The following OSTN variants were observed in gnomAD, a reference collection of about 807,000 sequenced individuals.
The protein encoded by OSTN is osteocrin.
In OSTN, 9 loss-of-function variants were observed where a neutral mutation model predicts 12.0. That is an observed-to-expected ratio of 0.75 (90% CI 0.45 to 1.30). The LOEUF (loss-of-function observed/expected upper bound fraction) is 1.30, where lower values mean the gene tolerates loss of function less well. Among genes scored for constraint, OSTN ranks in the 50% most tolerant of loss-of-function variants. The pLI, the probability that OSTN is intolerant of heterozygous loss-of-function variation, is 0.00. For missense variants in OSTN, 148 were observed against 152.3 expected, an observed-to-expected ratio of 0.97 and a Z score of 0.15; for synonymous variants, 59 against 56.9, an observed-to-expected ratio of 1.04 and a Z score of -0.16.
intron 4 of OSTN, among the ~76,000 whole-genome samples, chr3:191,255,700 A>C (rs1715654637): frequency 6.6e-6 from 1 of 152,188 alleles, no homozygotes; most frequent in Admixed American, 6.5e-5. Flanking sequence ...TGTAAGATAT[A>C]AATAGCCCTA....
chr3:191,216,497 T>C (rs1278523717), intron 2 of OSTN, among the ~76,000 whole-genome samples: 1 of 152,228 alleles, frequency 6.6e-6, no homozygotes, highest in Admixed American at 6.5e-5. Flanking sequence ...TTTTCCAAAC[T>C]TTTTGCTCTG....
chr3:191,230,662 T>C (rs1400616295), intron 3 of OSTN, among the ~76,000 whole-genome samples: 1 of 142,530 alleles, frequency 7.0e-6, no homozygotes, highest in Non-Finnish European at 1.5e-5. Flanking sequence ...GGACAAGAAA[T>C]GAAATTGGGA....
intron 1 of OSTN, among the ~76,000 whole-genome samples, chr3:191,201,899 A>T (rs1352818706): frequency 6.6e-6 from 1 of 152,208 alleles, no homozygotes; most frequent in Admixed American, 6.5e-5. Context: ...TGAGTAACTA[A>T]TTTATGCCTG....
intron 4 of OSTN, among the ~76,000 whole-genome samples, chr3:191,251,215 G>C (rs1715555197): frequency 1.3e-5 from 2 of 152,212 alleles, no homozygotes; most frequent in South Asian, 4.1e-4. Flanking sequence ...TAGAGTATAA[G>C]TGGTACACAT....
At chr3:191,214,764 G>T (rs767349409) in intron 2 of OSTN, among the ~76,000 whole-genome samples, 1 of 152,174 alleles carries the variant, frequency 6.6e-6, no homozygotes, top group Admixed American at 6.5e-5. Flanking sequence ...TGTAATCCCA[G>T]CACATTGGGA....
rs1715864305 is a variant in OSTN at position 191,263,900 on chromosome 3, T to C, written c.*1047T>C. On this transcript the variant is annotated 3_prime_UTR_variant, in exon 5 of 5. Coordinates refer to ENST00000682035, the MANE Select transcript of OSTN (RefSeq NM_198184.2). ...CTCAGTAATAACTATGATGTTACTG[T>C]AGCTTGGACACATAGGTCCATTGTG... 6.6e-6 allele frequency: 1 copy of C among 152,158 alleles called. No homozygotes were observed. The highest frequency in any genetic ancestry group is 1.5e-5 in the Non-Finnish European group (1 of 67,994). The allele number at this position is 152,158 out of a possible 1,614,324, so 9.4% of individuals were successfully genotyped here.
At chr3:191,221,157 C>T (rs6802132) in intron 3 of OSTN, among the ~76,000 whole-genome samples, 4,280 of 152,220 alleles carry the variant, frequency 0.028, 201 homozygotes, top group African/African-American at 0.099. Flanking sequence ...TGTTTATTTC[C>T]CCTTCTGCCA....
intron 3 of OSTN, among the ~76,000 whole-genome samples, chr3:191,245,173 G>C (rs1715401698): frequency 6.6e-6 from 1 of 152,198 alleles, no homozygotes. Context: ...CAGTTGAAAT[G>C]TATGAAATGT....
At chr3:191,201,775 C>T (rs182421041) in intron 1 of OSTN, among the ~76,000 whole-genome samples, 6 of 151,652 alleles carry the variant, frequency 4.0e-5, no homozygotes, top group Admixed American at 1.3e-4. Context: ...TAATTTTGTT[C>T]GTTAAAATGA....
chr3:191,223,068 T>C (rs1714811309), intron 3 of OSTN, among the ~76,000 whole-genome samples: 1 of 152,134 alleles, frequency 6.6e-6, no homozygotes, highest in African/African-American at 2.4e-5. Flanking sequence ...CAGTCTCAGG[T>C]ATGTCCTTCA....
rs61313474 is a variant in OSTN at position 191,232,331 on chromosome 3, T to TAAAAAAAAAAA, written c.317+13390_317+13400dup. Among the ~76,000 whole-genome samples, 119 of 67,480 alleles carry TAAAAAAAAAAA rather than the reference T, an allele frequency of 1.8e-3. 7 individuals are homozygous for TAAAAAAAAAAA. Among genetic ancestry groups the TAAAAAAAAAAA allele is most frequent in the African/African-American group, 8.7e-3 (99 of 11,376 alleles). The allele number at this position is 67,480 out of a possible 152,430, so 44.3% of individuals were successfully genotyped here. On this transcript the variant is annotated intron_variant, in intron 3 of 4. Coordinates refer to ENST00000682035, the MANE Select transcript of OSTN (RefSeq NM_198184.2). ...CTGGGTGACAGAGGGAGACTCTGTC[T>TAAAAAAAAAAA]AAAAAAAAAAAAAAAAAAAAAAAAA... is the stretch of plus-strand genomic sequence containing the variant.
At chr3:191,200,532 C>T (rs912601425) in intron 1 of OSTN, among the ~76,000 whole-genome samples, 6 of 152,030 alleles carry the variant, frequency 3.9e-5, no homozygotes, top group African/African-American at 1.4e-4. Context: ...AAATAAAGAA[C>T]TCGAAGTAAG....
chr3:191,210,322 G>A (rs985342247), intron 1 of OSTN, among the ~76,000 whole-genome samples: 3 of 152,148 alleles, frequency 2.0e-5, no homozygotes, highest in African/African-American at 7.2e-5. Context: ...GCAGTGGCAC[G>A]CACCCGAGCC....
At chr3:191,225,296 GTTTA>G (rs1200173367) in intron 3 of OSTN, among the ~76,000 whole-genome samples, 5 of 152,156 alleles carry the variant, frequency 3.3e-5, no homozygotes, top group Non-Finnish European at 7.4e-5. Flanking sequence ...TTTCTTTAAA[GTTTA>G]TTTATTATTA....
At chr3:191,262,763 C>A in intron 4 of OSTN, 103 bp from the exon 5 acceptor site, 1 of 641,220 alleles carries the variant, frequency 1.6e-6, no homozygotes, top group South Asian at 1.8e-5. Flanking sequence ...AATGAAACAG[C>A]ATGTAATTAA....
intron 3 of OSTN, among the ~76,000 whole-genome samples, chr3:191,222,769 G>A (rs186985526): frequency 1.4e-4 from 22 of 152,184 alleles, no homozygotes; most frequent in African/African-American, 2.9e-4. Flanking sequence ...TGATCCCCTC[G>A]TGTTATGGGA....
chr3:191,228,336 G>C (rs1406864745), intron 3 of OSTN, among the ~76,000 whole-genome samples: 1 of 152,120 alleles, frequency 6.6e-6, no homozygotes, highest in African/African-American at 2.4e-5. Flanking sequence ...TAATATTTAA[G>C]GTTCATTTTC....
At chr3:191,214,452 A>AC (rs1714552123) in intron 2 of OSTN, among the ~76,000 whole-genome samples, 1 of 150,870 alleles carries the variant, frequency 6.6e-6, no homozygotes, top group Non-Finnish European at 1.5e-5. Flanking sequence ...AAAAAAAAAA[A>AC]AAAAAAAAAA....
chr3:191,219,637 G>T (rs2108533582), intron 3 of OSTN, among the ~76,000 whole-genome samples: 1 of 152,216 alleles, frequency 6.6e-6, no homozygotes, highest in South Asian at 2.1e-4. Flanking sequence ...TCCAAACTTA[G>T]TTCATTTTCT....
Sources: allele counts gnomAD v4.1 joint callset (sites outside exome capture counted in the v4.1 genomes callset), GRCh38; gene constraint gnomAD v4.1.1; transcripts MANE v1.5; gene names NCBI Gene and HGNC (gene_info 2026-07-23, HGNC 2026-07-21).